The following C9orf153 variants were observed in gnomAD, a reference collection of about 807,000 sequenced individuals.
The protein encoded by C9orf153 is uncharacterized protein C9orf153.
A neutral mutation model predicts 9.0 loss-of-function variants in C9orf153; 10 were observed. The observed-to-expected ratio is 1.11, with a 90% CI of 0.69 to 1.89. The LOEUF (loss-of-function observed/expected upper bound fraction) is 1.89. C9orf153 is among the 40% of genes most tolerant of loss of function. C9orf153 has a pLI of 0.00. For synonymous variants in C9orf153, 35 were observed against 37.3 expected (o/e 0.94, Z 0.23); for missense variants, 108 against 111.0 (o/e 0.97, Z 0.12).
At chr9:86,231,178 C>T (rs1824460618) in intron 1 of C9orf153, among the ~76,000 whole-genome samples, 1 of 152,144 alleles carries the variant, frequency 6.6e-6, no homozygotes, top group East Asian at 1.9e-4. Flanking sequence ...GCAACCTCAG[C>T]CAATCCCAGA....
intron 3 of C9orf153, among the ~76,000 whole-genome samples, chr9:86,226,025 T>C (rs1824323245): frequency 6.6e-6 from 1 of 152,166 alleles, no homozygotes; most frequent in African/African-American, 2.4e-5. Context: ...CCTTCTTCAG[T>C]AGGTTTTTGA....
chr9:86,228,843 CT>C, intron 2 of C9orf153: 1 of 201,952 alleles, frequency 5.0e-6, no homozygotes, highest in Non-Finnish European at 1.1e-5. Flanking sequence ...GTAGAAGGGA[CT>C]TTGGACGTCT....
intron 1 of C9orf153, among the ~76,000 whole-genome samples, chr9:86,254,677 G>T (rs1169801263): frequency 6.6e-6 from 1 of 152,182 alleles, no homozygotes; most frequent in African/African-American, 2.4e-5. Flanking sequence ...CTGTTTACCT[G>T]CATTGTATAG....
chr9:86,227,569 A>C (rs1385969482), intron 3 of C9orf153: 1 of 985,240 alleles, frequency 1.0e-6, no homozygotes, highest in African/African-American at 1.7e-5. Context: ...AGGATCTACA[A>C]AGTTTATCTT....
intron 2 of C9orf153, 27 bp downstream of exon 2, chr9:86,229,511 C>G: frequency 6.7e-7 from 1 of 1,494,806 alleles, no homozygotes; most frequent in Non-Finnish European, 9.3e-7. Flanking sequence ...CCTGTGTACA[C>G]CTCGTTGTAC....
In C9orf153 at chr9:86,226,146, T is replaced by C. The variant is rs138783352; in HGVS notation, c.242+1709A>G. ...AGGCCAGTCCTATCATTGCTTTAAT[T>C]GCACTGCTACTTAGGCAACGTAGGA... On this transcript the variant is annotated intron_variant, in intron 3 of 3. Coordinates refer to ENST00000339137, the MANE Select transcript of C9orf153 (RefSeq NM_001276366.4). Among the ~76,000 whole-genome samples, 253 of 152,300 alleles carry C rather than the reference T, an allele frequency of 1.7e-3. No individual in the cohort carries two copies. The Middle Eastern group carries it at 0.017, about 10-fold the overall frequency.
At chr9:86,259,138 T>C (rs1288802771) in intron 1 of C9orf153, among the ~76,000 whole-genome samples, 1 of 151,488 alleles carries the variant, frequency 6.6e-6, no homozygotes, top group Non-Finnish European at 1.5e-5. Flanking sequence ...CAGGTGATCC[T>C]CCCATCAGCC....
At chr9:86,231,030 C>T (rs1005670486) in intron 1 of C9orf153, among the ~76,000 whole-genome samples, 2 of 152,118 alleles carry the variant, frequency 1.3e-5, no homozygotes, top group Non-Finnish European at 2.9e-5. Flanking sequence ...CCTGAGCCAC[C>T]ATGTAAAGAG....
intron 3 of C9orf153, among the ~76,000 whole-genome samples, chr9:86,225,995 C>A (rs1220895391): frequency 1.3e-5 from 2 of 152,154 alleles, no homozygotes; most frequent in African/African-American, 2.4e-5. Context: ...ATGTTCAAGA[C>A]CTTATCAAAC....
intron 1 of C9orf153, among the ~76,000 whole-genome samples, chr9:86,233,194 C>T (rs1479562739): frequency 6.6e-6 from 1 of 152,106 alleles, no homozygotes; most frequent in East Asian, 1.9e-4. Flanking sequence ...AAAATGTTTT[C>T]CACTTGGGGT....
chr9:86,225,770 C>T (rs556481012), intron 3 of C9orf153, among the ~76,000 whole-genome samples: 54 of 152,244 alleles, frequency 3.5e-4, no homozygotes, highest in African/African-American at 1.3e-3. Context: ...TAGGCGTGAG[C>T]CACCATGCCC....
chr9:86,244,130 C>A (rs1272094600), intron 1 of C9orf153, among the ~76,000 whole-genome samples: 9 of 152,170 alleles, frequency 5.9e-5, no homozygotes, highest in African/African-American at 2.2e-4. Flanking sequence ...AAAAGTATCT[C>A]ATTAGGGATT....
At chr9:86,245,513 C>A (rs1360364000) in intron 1 of C9orf153, among the ~76,000 whole-genome samples, 5 of 152,130 alleles carry the variant, frequency 3.3e-5, no homozygotes, top group Non-Finnish European at 1.5e-5. Flanking sequence ...ATATTGGTTT[C>A]TTGGGGACTG....
intron 3 of C9orf153, among the ~76,000 whole-genome samples, chr9:86,225,045 G>T (rs1443183892): frequency 6.8e-6 from 1 of 146,642 alleles, no homozygotes; most frequent in Non-Finnish European, 1.5e-5. Context: ...TGTTATTTTT[G>T]ATTCCTAAGC....
intron 1 of C9orf153, among the ~76,000 whole-genome samples, chr9:86,241,719 G>A (rs1049796769): frequency 6.6e-6 from 1 of 152,074 alleles, no homozygotes; most frequent in Non-Finnish European, 1.5e-5. Context: ...TCCACCTCCT[G>A]GGTTCAAGTG....
chr9:86,244,960 CTT>C (rs1274009818), intron 1 of C9orf153, among the ~76,000 whole-genome samples: 2 of 152,318 alleles, frequency 1.3e-5, no homozygotes, highest in East Asian at 3.9e-4. Flanking sequence ...GAGTTTCACT[CTT>C]GTCGCCCAGG....
At chr9:86,233,811 G>A (rs576809300) in intron 1 of C9orf153, among the ~76,000 whole-genome samples, 83 of 152,270 alleles carry the variant, frequency 5.5e-4, no homozygotes, top group African/African-American at 1.9e-3. Flanking sequence ...TCGGCCGGGC[G>A]CGGTGACTGG....
intron 3 of C9orf153, among the ~76,000 whole-genome samples, chr9:86,224,771 CAAAAAAA>C (rs35435424): frequency 8.8e-6 from 1 of 113,394 alleles, no homozygotes; most frequent in Non-Finnish European, 1.9e-5. Context: ...ACTAAAAATA[CAAAAAAA>C]AAAAAAAAAA....
At chr9:86,237,195 A>T (rs1824615709) in intron 1 of C9orf153, among the ~76,000 whole-genome samples, 1 of 152,194 alleles carries the variant, frequency 6.6e-6, no homozygotes, top group African/African-American at 2.4e-5. Context: ...TTGATATGCT[A>T]AGAAAGGAGA....
Sources: allele counts gnomAD v4.1 joint callset (sites outside exome capture counted in the v4.1 genomes callset), GRCh38; gene constraint gnomAD v4.1.1; transcripts MANE v1.5; gene names NCBI Gene and HGNC (gene_info 2026-07-23, HGNC 2026-07-21).